PLD1: variants seen among roughly 807,000 people sequenced by gnomAD.
The protein encoded by PLD1 is phospholipase D1.
PLD1 carries 112 observed loss-of-function variants against 137.1 expected under a neutral mutation model. The ratio of observed to expected loss-of-function variants is 0.82; its 90% CI spans 0.70 to 0.96. PLD1 has a LOEUF of 0.96. Among genes scored for constraint, PLD1 ranks in the 40% least tolerant of loss-of-function variants. PLD1 has a pLI of 0.00. For synonymous variants in PLD1, 431 were observed against 454.7 expected (o/e 0.95, Z 0.66); for missense variants, 1,321 against 1,342.0 (o/e 0.98, Z 0.24).
At chr3:171,781,497 G>A (rs1277620810) in intron 1 of PLD1, among the ~76,000 whole-genome samples, 1 of 152,070 alleles carries the variant, frequency 6.6e-6, no homozygotes, top group Non-Finnish European at 1.5e-5. Context: ...GATAAAATAT[G>A]TGCAAATCAT....
chr3:171,785,779 T>C (rs896804234), intron 1 of PLD1, among the ~76,000 whole-genome samples: 16 of 152,232 alleles, frequency 1.1e-4, no homozygotes, highest in Admixed American at 5.9e-4. Flanking sequence ...CAACTTGGAC[T>C]GGCCACATTT....
intron 23 of PLD1, among the ~76,000 whole-genome samples, 183 bp from the exon 24 acceptor site, chr3:171,620,703 T>G (rs2108294456): frequency 6.9e-6 from 1 of 145,934 alleles, no homozygotes; most frequent in South Asian, 2.2e-4. Context: ...TTTCATATTG[T>G]CAGTCTGAAT....
At chr3:171,756,270 G>T (rs569912349) in intron 1 of PLD1, among the ~76,000 whole-genome samples, 4 of 152,158 alleles carry the variant, frequency 2.6e-5, no homozygotes, top group Non-Finnish European at 5.9e-5. Flanking sequence ...AGTTTGGGCT[G>T]CCCCAAATAT....
intron 23 of PLD1, among the ~76,000 whole-genome samples, chr3:171,641,390 C>T (rs1261410519): frequency 6.6e-6 from 1 of 152,114 alleles, no homozygotes; most frequent in African/African-American, 2.4e-5. Flanking sequence ...CCTTCCTCTG[C>T]CATTCCTGCT....
chr3:171,808,876 G>A (rs1323699722), intron 1 of PLD1, among the ~76,000 whole-genome samples: 1 of 133,694 alleles, frequency 7.5e-6, no homozygotes, highest in African/African-American at 2.9e-5. Flanking sequence ...CCAGGCTGGC[G>A]TGCAATGGCT....
intron 26 of PLD1, among the ~76,000 whole-genome samples, chr3:171,604,891 A>G (rs1196743093): frequency 3.3e-5 from 5 of 152,220 alleles, no homozygotes; most frequent in Non-Finnish European, 7.3e-5. Flanking sequence ...GGAAAAAGAA[A>G]CTCAGAAAGT....
At chr3:171,637,515 G>A (rs1735237102) in intron 23 of PLD1, among the ~76,000 whole-genome samples, 1 of 152,176 alleles carries the variant, frequency 6.6e-6, no homozygotes, top group South Asian at 2.1e-4. Context: ...TTACAGGTGT[G>A]AGCCACCATG....
At chr3:171,740,624 A>T (rs1024884189) in intron 1 of PLD1, among the ~76,000 whole-genome samples, 1 of 152,190 alleles carries the variant, frequency 6.6e-6, no homozygotes, top group East Asian at 1.9e-4. Flanking sequence ...AAATACAAAG[A>T]CTACAGTAAT....
intron 24 of PLD1, among the ~76,000 whole-genome samples, chr3:171,618,108 T>G (rs1400331853): frequency 6.6e-6 from 1 of 151,652 alleles, no homozygotes; most frequent in Non-Finnish European, 1.5e-5. Flanking sequence ...TCTAAGGCAC[T>G]TGGGGAAGGA....
intron 1 of PLD1, among the ~76,000 whole-genome samples, chr3:171,771,989 G>C (rs1162097719): frequency 6.6e-6 from 1 of 152,152 alleles, no homozygotes; most frequent in African/African-American, 2.4e-5. Flanking sequence ...TTTTAACATG[G>C]ATCTTTAAGC....
At chr3:171,675,271 A>G (rs2108476146) in intron 18 of PLD1, among the ~76,000 whole-genome samples, 1 of 152,352 alleles carries the variant, frequency 6.6e-6, no homozygotes, top group South Asian at 2.1e-4. Context: ...ATCTTGTCAC[A>G]GCAATATAGT....
At chr3:171,710,162 A>T (rs1717051323) in intron 9 of PLD1, among the ~76,000 whole-genome samples, 1 of 152,048 alleles carries the variant, frequency 6.6e-6, no homozygotes, top group Admixed American at 6.6e-5. Flanking sequence ...TCCCGGGTTC[A>T]CGCCATTCTC....
At chr3:171,714,921 A>G (rs1006774045) in intron 8 of PLD1, among the ~76,000 whole-genome samples, 1 of 152,228 alleles carries the variant, frequency 6.6e-6, no homozygotes, top group Non-Finnish European at 1.5e-5. Flanking sequence ...ATATAATTAC[A>G]GAGATGACAC....
chr3:171,603,761 C>T (rs1265167750), intron 26 of PLD1, among the ~76,000 whole-genome samples: 8 of 152,062 alleles, frequency 5.3e-5, no homozygotes, highest in African/African-American at 1.9e-4. Context: ...AACACTTCAC[C>T]CCTGAATACT....
At position 171,808,815 on chromosome 3, in the gene PLD1, A is replaced by ATTTTTT. The variant is rs60146546; in HGVS notation, c.-32+1578_-32+1583dup. 2.6e-3 allele frequency among the ~76,000 whole-genome samples: 223 copies of ATTTTTT among 86,220 alleles called. 23 individuals carry two copies. Among genetic ancestry groups the ATTTTTT allele is most frequent in the African/African-American group, 8.5e-3 (176 of 20,658 alleles). The allele number at this position is 86,220 out of a possible 152,430, so 56.6% of individuals were successfully genotyped here. On this transcript the variant is annotated intron_variant, in intron 1 of 26. Transcript: ENST00000351298. Reference sequence around the variant, plus strand: ...TTTTTCCTCAAAGCCTTAGCATTCAATTTTTTTTTTTTTTTTTTTTTTTTT... The same window carrying ATTTTTT: ...TTTTTCCTCAAAGCCTTAGCATTCAATTTTTTTTTTTTTTTTTTTTTTTTTTTTTTT...
At chr3:171,803,711 C>A (rs1045398644) in intron 1 of PLD1, among the ~76,000 whole-genome samples, 5 of 152,092 alleles carry the variant, frequency 3.3e-5, no homozygotes, top group Non-Finnish European at 5.9e-5. Context: ...CCTGCCTGGA[C>A]AACAAGAGTG....
At chr3:171,764,679 T>C (rs1198104790) in intron 1 of PLD1, among the ~76,000 whole-genome samples, 2 of 151,714 alleles carry the variant, frequency 1.3e-5, no homozygotes, top group African/African-American at 4.9e-5. Context: ...CAGGACACTG[T>C]TGGGAAGATG....
intron 1 of PLD1, among the ~76,000 whole-genome samples, chr3:171,773,304 T>C (rs537453300): frequency 6.6e-6 from 1 of 152,196 alleles, no homozygotes; most frequent in East Asian, 1.9e-4. Flanking sequence ...CTACTAAAAC[T>C]AAAATGAGGC....
chr3:171,618,057 C>G (rs1282580031), intron 24 of PLD1, among the ~76,000 whole-genome samples: 2 of 151,914 alleles, frequency 1.3e-5, no homozygotes, highest in Non-Finnish European at 2.9e-5. Context: ...ATAAAAAGAA[C>G]AAAAGAAACT....
Sources: gnomAD v4.1 joint callset for allele counts (sites outside exome capture counted in the v4.1 genomes callset) on GRCh38, gnomAD v4.1.1 for gene constraint, MANE v1.5 for transcripts, NCBI Gene and HGNC (gene_info 2026-07-23, HGNC 2026-07-21) for gene names.